The following CELF2 variants were observed in gnomAD, a reference collection of about 807,000 sequenced individuals.
CELF2 encodes CUG triplet repeat RNA-binding protein 2.
A neutral mutation model predicts 62.6 loss-of-function variants in CELF2; 8 were observed. The ratio of observed to expected loss-of-function variants is 0.13; its 90% CI spans 0.07 to 0.23. The LOEUF (loss-of-function observed/expected upper bound fraction) is 0.23. CELF2 is among the 10% of genes least tolerant of loss of function. The pLI, the probability that CELF2 is intolerant of heterozygous loss-of-function variation, is 1.00. For missense variants in CELF2, 333 were observed against 671.0 expected, an observed-to-expected ratio of 0.50 and a Z score of 5.56; for synonymous variants, 258 against 250.0, an observed-to-expected ratio of 1.03 and a Z score of -0.30.
intron 8 of CELF2, among the ~76,000 whole-genome samples, chr10:11,278,797 T>C (rs1436618423): frequency 6.6e-6 from 1 of 152,164 alleles, no homozygotes; most frequent in African/African-American, 2.4e-5. Flanking sequence ...GGTATAGAAT[T>C]CCCAAATATC....
intron 8 of CELF2, among the ~76,000 whole-genome samples, chr10:11,287,041 G>C (rs2091487548): frequency 6.6e-6 from 1 of 152,206 alleles, no homozygotes; most frequent in Non-Finnish European, 1.5e-5. Flanking sequence ...CAGGCACTGA[G>C]CTGCGCCCGT....
intron 2 of CELF2, among the ~76,000 whole-genome samples, chr10:11,176,926 G>A (rs2133879856): frequency 6.6e-6 from 1 of 152,302 alleles, no homozygotes; most frequent in East Asian, 1.9e-4. Flanking sequence ...AGTGGAGGAG[G>A]AAGCTTGCTC....
chr10:10,772,162 GA>G, the CELF2 span, among the ~76,000 whole-genome samples: 439 of 148,282 alleles, frequency 3.0e-3, 3 homozygotes, highest in African/African-American at 0.01. Context: ...TTATATTCAA[GA>G]AAAAAAAAAC....
the CELF2 span, among the ~76,000 whole-genome samples, chr10:10,519,148 A>G: frequency 1.2e-4 from 19 of 152,208 alleles, no homozygotes; most frequent in African/African-American, 4.3e-4. Flanking sequence ...GGAATTGGCT[A>G]AAGTGTCAGA....
At chr10:11,248,411 T>G (rs565304129) in intron 3 of CELF2, among the ~76,000 whole-genome samples, 1 of 152,076 alleles carries the variant, frequency 6.6e-6, no homozygotes, top group Admixed American at 6.5e-5. Flanking sequence ...AGAAGGTGTC[T>G]CCCTCCCTTC....
chr10:10,636,744 A>G, the CELF2 span, among the ~76,000 whole-genome samples: 6 of 152,312 alleles, frequency 3.9e-5, no homozygotes, highest in South Asian at 1.2e-3. Flanking sequence ...GGTCAATAAT[A>G]TAAGTATTTC....
chr10:10,572,603 T>C, the CELF2 span, among the ~76,000 whole-genome samples: 1 of 151,830 alleles, frequency 6.6e-6, no homozygotes, highest in African/African-American at 2.4e-5. Flanking sequence ...TGAGAACATG[T>C]GGTGTTTGGT....
At position 11,329,240 on chromosome 10, in the gene CELF2, A is replaced by C; in HGVS notation, c.*187A>C. ...CCCTACCCAGTTTGCCATAATTAAA[A>C]CTTGGGCTACTTTGTTTCTATTGAG... On this transcript the variant is annotated 3_prime_UTR_variant, in exon 13 of 13. Coordinates refer to ENST00000633077, the MANE Select transcript of CELF2 (RefSeq NM_001326342.2). The surrounding 1 kb of genome is among the most constrained non-coding windows in gnomAD (Gnocchi z 5.5). The C allele has an allele frequency of 2.3e-6, 1 of 433,648 alleles. No homozygotes were observed. The highest frequency in any genetic ancestry group is 3.9e-6 in the Non-Finnish European group (1 of 254,850). 26.9% of individuals were successfully genotyped at this position (433,648 alleles called of 1,614,324 possible).
chr10:10,798,907 G>T, intron 1 of CELF2: 1 of 398,536 alleles, frequency 2.5e-6, no homozygotes. Context: ...AGTGGTTGGG[G>T]TTGCTTGAAA....
chr10:11,216,481 C>T (rs146660719), intron 2 of CELF2, among the ~76,000 whole-genome samples: 101 of 152,296 alleles, frequency 6.6e-4, no homozygotes, highest in African/African-American at 2.3e-3. Context: ...AGGTTAGCAT[C>T]TTTGTTTCTT....
At position 10,920,000 on chromosome 10, in the gene CELF2, G is replaced by C. The variant is rs1411106228; in HGVS notation, c.89+1G>C. On this transcript the variant is annotated splice_donor_variant, in intron 2 of 13. Transcript: ENST00000636488. LOFTEE classifies it high-confidence loss of function. ...CAGAGTTAGCTGGGAGTCTACCAAG[G>C]TGAGCACGCTGGCTTTGCTTATTCT... The C allele has an allele frequency of 8.1e-7, 1 of 1,231,374 alleles. No homozygotes were observed. Among genetic ancestry groups the C allele is most frequent in the Non-Finnish European group, 1.0e-6 (1 of 987,812 alleles). The allele number at this position is 1,231,374 out of a possible 1,614,324, so 76.3% of individuals were successfully genotyped here. A position where few individuals can be genotyped will look rare whatever the true frequency, so the allele number is the denominator to read the frequency against.
Position 11,270,545 on chromosome 10 carries a change from C to A in CELF2, c.619-121C>A, listed in dbSNP as rs1231342242. 2 of 825,462 alleles carry A rather than the reference C, an allele frequency of 2.4e-6. No individual in the cohort carries two copies. The highest frequency in any genetic ancestry group is 1.7e-6 in the Non-Finnish European group (1 of 575,008). 51.1% of individuals were successfully genotyped at this position (825,462 alleles called of 1,614,324 possible). A position where few individuals can be genotyped will look rare whatever the true frequency, so the allele number is the denominator to read the frequency against. On this transcript the variant is annotated intron_variant, in intron 6 of 12. Coordinates refer to ENST00000633077, the MANE Select transcript of CELF2 (RefSeq NM_001326342.2). This position sits in a 1 kb window ranked among gnomAD's most constrained non-coding sequence, Gnocchi z 5.8. The stretch of plus-strand genomic sequence containing the variant: ...GAAGGAATATCAAACCGTTTTAAAC[C>A]ATTTCAGCCCATTCCATGTGCTCCA...
rs149270354 is a variant in CELF2 at position 11,328,990 on chromosome 10, G to A, written c.1503G>A (p.Gln501=). 84 of 1,613,590 alleles carry A rather than the reference G, an allele frequency of 5.2e-5. 1 individual carries two copies. Among genetic ancestry groups the A allele is most frequent in the Admixed American group, 2.5e-4 (15 of 60,004 alleles). The change falls in exon 13 of 13, where the codon CAG becomes CAA. Residue 501 remains glutamine, a synonymous_variant. Coordinates refer to ENST00000633077, the MANE Select transcript of CELF2 (RefSeq NM_001326342.2). This position sits in a 1 kb window ranked among gnomAD's most constrained non-coding sequence, Gnocchi z 6.4. ...QAAIQAMNGF[Q]IGMKRLKVQL... ...CTATCCAAGCTATGAATGGCTTTCA[G>A]ATCGGCATGAAACGCTTGAAGGTGC...
chr10:10,695,827 G>A, the CELF2 span, among the ~76,000 whole-genome samples: 7 of 151,592 alleles, frequency 4.6e-5, no homozygotes, highest in South Asian at 2.1e-4. Flanking sequence ...CATTCTTCAC[G>A]TAGTTCTCGA....
rs1031091371 is a variant in CELF2 at position 10,931,589 on chromosome 10, G to A, written c.89+11590G>A. ...CCCTAATTCATCATTGGGCACCACG[G>A]CACCCCTTCCAAAGTAAAGAAAATT... On this transcript the variant is annotated intron_variant, in intron 2 of 13. Coordinates refer to the CELF2 transcript ENST00000636488. The surrounding 1 kb of genome is among the most constrained non-coding windows in gnomAD (Gnocchi z 6.1). 1.3e-5 allele frequency among the ~76,000 whole-genome samples: 2 copies of A among 152,084 alleles called. No individual in the cohort carries two copies. Among genetic ancestry groups the A allele is most frequent in the African/African-American group, 4.8e-5 (2 of 41,400 alleles).
At chr10:11,233,180 G>C (rs1234073564) in intron 3 of CELF2, among the ~76,000 whole-genome samples, 1 of 152,194 alleles carries the variant, frequency 6.6e-6, no homozygotes, top group Non-Finnish European at 1.5e-5. Context: ...GATTGGGCCT[G>C]GGCTACAGCT....
rs79586036 is a variant in CELF2 at position 11,244,726 on chromosome 10, A to G, written c.355-4427A>G. On this transcript the variant is annotated intron_variant, in intron 3 of 12. Transcript: ENST00000633077. The surrounding 1 kb of genome is among the most constrained non-coding windows in gnomAD (Gnocchi z 4.2). ...CTTCCTCTGTTGGTTAGGATATCGTATCATTGTTCTTGATCAACAGTAGGG... is the reference window on the plus strand; with the variant it reads ...CTTCCTCTGTTGGTTAGGATATCGTGTCATTGTTCTTGATCAACAGTAGGG... Among the ~76,000 whole-genome samples the G allele has an allele frequency of 0.015, 2,275 of 151,688 alleles. 52 individuals carry two copies. The highest frequency in any genetic ancestry group is 0.064 in the East Asian group (332 of 5,180).
chr10:10,745,132 AC>A, the CELF2 span, among the ~76,000 whole-genome samples: 2,935 of 61,058 alleles, frequency 0.048, 102 homozygotes, highest in African/African-American at 0.11. Flanking sequence ...AAAAAACAAA[AC>A]AAAAAAAAAC....
the CELF2 span, among the ~76,000 whole-genome samples, chr10:10,476,688 T>G: frequency 6.6e-6 from 1 of 152,284 alleles, no homozygotes; most frequent in African/African-American, 2.4e-5. Flanking sequence ...AAATATAAAT[T>G]TATTTCTTAT....
Sources: gnomAD v4.1 joint callset for allele counts (sites outside exome capture counted in the v4.1 genomes callset) on GRCh38, gnomAD v4.1.1 for gene constraint, Gnocchi (gnomAD v3.1) non-coding constraint, MANE v1.5 for transcripts, NCBI Gene and HGNC (gene_info 2026-07-23, HGNC 2026-07-21) for gene names.